TNFRSF1B: variants seen among roughly 807,000 people sequenced by gnomAD.
TNFRSF1B encodes the protein tumor necrosis factor receptor superfamily member 1B.
A neutral mutation model predicts 44.6 loss-of-function variants in TNFRSF1B; 19 were observed. The ratio of observed to expected loss-of-function variants is 0.43; its 90% CI spans 0.30 to 0.62. The LOEUF (loss-of-function observed/expected upper bound fraction) is 0.62. Among genes scored for constraint, TNFRSF1B ranks in the 20% least tolerant of loss-of-function variants. The pLI, the probability that TNFRSF1B is intolerant of heterozygous loss-of-function variation, is 0.16. For synonymous variants in TNFRSF1B, 252 were observed against 261.1 expected (o/e 0.97, Z 0.34); for missense variants, 541 against 619.9 (o/e 0.87, Z 1.35).
intron 1 of TNFRSF1B, among the ~76,000 whole-genome samples, chr1:12,174,014 C>CG (rs1638577913): frequency 6.6e-6 from 1 of 151,822 alleles, no homozygotes; most frequent in Non-Finnish European, 1.5e-5. Context: ...GGGGGGAGTG[C>CG]GGGGGGAGGG....
At chr1:12,203,383 A>C (rs887643150) in intron 9 of TNFRSF1B, among the ~76,000 whole-genome samples, 1 of 152,040 alleles carries the variant, frequency 6.6e-6, no homozygotes, top group African/African-American at 2.4e-5. Context: ...CCCACCACGC[A>C]GCCCTCCTCC....
rs1638516474 is a variant in TNFRSF1B, at chr1:12,171,179, T to C, written c.78+4010T>C. On this transcript the variant is annotated intron_variant, in intron 1 of 9. Coordinates refer to ENST00000376259, the MANE Select transcript of TNFRSF1B (RefSeq NM_001066.3). This position sits in a 1 kb window ranked among gnomAD's most constrained non-coding sequence, Gnocchi z 4.5. Reference sequence around the variant, plus strand: ...CACCATGCCCGGCTAATTTTTCCTTTTTTTTTTTTTTTTTAGTAGAGACCG... The same window carrying C: ...CACCATGCCCGGCTAATTTTTCCTTCTTTTTTTTTTTTTTAGTAGAGACCG... Among the ~76,000 whole-genome samples, 1 of 149,940 alleles carries C rather than the reference T, an allele frequency of 6.7e-6. No homozygotes were observed. Among genetic ancestry groups the C allele is most frequent in the Admixed American group, 6.6e-5 (1 of 15,070 alleles).
intron 1 of TNFRSF1B, chr1:12,167,569 A>G: frequency 6.1e-6 from 2 of 326,252 alleles, no homozygotes; most frequent in East Asian, 1.3e-4. Flanking sequence ...CGCGGTGGAG[A>G]AGGGGCTGTG....
chr1:12,179,097 C>T (rs1375194689), intron 1 of TNFRSF1B, among the ~76,000 whole-genome samples: 1 of 152,078 alleles, frequency 6.6e-6, no homozygotes, highest in Admixed American at 6.5e-5. Flanking sequence ...CCATGCCCGG[C>T]GTCTTTGTAC....
chr1:12,189,994 C>T (rs1169663162), intron 2 of TNFRSF1B, among the ~76,000 whole-genome samples: 2 of 151,924 alleles, frequency 1.3e-5, no homozygotes, highest in African/African-American at 4.8e-5. Context: ...TGAGCGAAGG[C>T]GAGTACGGTA....
chr1:12,200,009 G>C (rs752129112), intron 8 of TNFRSF1B, among the ~76,000 whole-genome samples: 14 of 152,168 alleles, frequency 9.2e-5, no homozygotes, highest in Non-Finnish European at 1.9e-4. Flanking sequence ...TCTTCAGTGT[G>C]CGTGTCTGGA....
In TNFRSF1B at chr1:12,191,763, C is replaced by A; in HGVS notation, c.308-11C>A. 2 of 1,613,110 alleles carry A rather than the reference C, an allele frequency of 1.2e-6. No individual in the cohort carries two copies. The highest frequency in any genetic ancestry group is 1.7e-6 in the Non-Finnish European group (2 of 1,179,700). On this transcript the variant is annotated splice_polypyrimidine_tract_variant and intron_variant, in intron 3 of 9. Transcript: ENST00000376259. ...CAGGCGTGACCGTTTGCCGCCCTCT[C>A]GCTGCTCTAGACCAGGTGGAAACTC...
At chr1:12,167,871 G>A (rs546044065) in intron 1 of TNFRSF1B, among the ~76,000 whole-genome samples, 1 of 152,250 alleles carries the variant, frequency 6.6e-6, no homozygotes, top group South Asian at 2.1e-4. Context: ...TCCGGGGGCC[G>A]CAGGAAAATG....
chr1:12,167,096 C>T lies in TNFRSF1B; in HGVS notation c.5C>T (p.Ala2Val). M[A>V]PVAVWAALAV... ...AACCGGACCCCGCCCGCACCCATGG[C>T]GCCCGTCGCCGTCTGGGCCGCGCTG... is the stretch of plus-strand genomic sequence containing the variant. The change falls in exon 1 of 10, where the codon GCG (alanine) becomes GTG (valine). Residue 2 changes from alanine to valine, a missense_variant. Ala to Val is a moderately conservative substitution (Grantham distance 64). Transcript: ENST00000376259. 2 of 1,331,912 alleles carry T rather than the reference C, an allele frequency of 1.5e-6. No homozygotes were observed. The highest frequency in any genetic ancestry group is 1.9e-6 in the Non-Finnish European group (2 of 1,038,478). 82.5% of individuals were successfully genotyped at this position (1,331,912 alleles called of 1,614,324 possible).
intron 9 of TNFRSF1B, among the ~76,000 whole-genome samples, chr1:12,203,475 C>T (rs1319091303): frequency 1.3e-5 from 2 of 152,172 alleles, no homozygotes; most frequent in East Asian, 3.9e-4. Context: ...CCTGCCACAC[C>T]TGTTCCTACC....
In TNFRSF1B at chr1:12,193,284, G is replaced by A. The variant is rs201340330; in HGVS notation, c.787+186G>A. On this transcript the variant is annotated intron_variant, in intron 6 of 9. Transcript: ENST00000376259. ...TGGTGCTATCATTCAAAATCCCTAA[G>A]TGCGTGGGCTGGATGCAGTGGCTCA... 4 of 707,262 alleles carry A rather than the reference G, an allele frequency of 5.7e-6. No homozygotes were observed. The East Asian group carries it at 1.1e-4, about 19-fold the overall frequency. 43.8% of individuals were successfully genotyped at this position (707,262 alleles called of 1,614,324 possible).
rs571129550 is a variant in TNFRSF1B at position 12,192,488 on chromosome 1, C to A, written c.515C>A (p.Thr172Lys). ...KPCAPGTFSN[T>K]TSSTDICRPH... ...TGTGCCCCGGGGACGTTCTCCAACA[C>A]GACTTCATCCACGGATATTTGCAGG... Residue 172 changes from threonine to lysine, a missense_variant, in exon 5 of 10, where the codon ACG becomes AAG. Thr to Lys is a moderately conservative substitution (Grantham distance 78). Coordinates refer to ENST00000376259, the MANE Select transcript of TNFRSF1B (RefSeq NM_001066.3). The A allele has an allele frequency of 6.2e-7, 1 of 1,613,996 alleles. No homozygotes were observed. The highest frequency in any genetic ancestry group is 1.3e-5 in the African/African-American group (1 of 74,912).
Position 12,207,106 on chromosome 1 carries a change from C to A in TNFRSF1B, c.*86C>A. 1.4e-6 allele frequency: 2 copies of A among 1,410,496 alleles called. No homozygotes were observed. The highest frequency in any genetic ancestry group is 1.9e-6 in the Non-Finnish European group (2 of 1,056,958). 87.4% of individuals were successfully genotyped at this position (1,410,496 alleles called of 1,614,324 possible). On this transcript the variant is annotated 3_prime_UTR_variant, in exon 10 of 10. Coordinates refer to ENST00000376259, the MANE Select transcript of TNFRSF1B (RefSeq NM_001066.3). Reference sequence around the variant, plus strand: ...CGAAGGGGCCCTGGTCCTTCCAGGCCCCCACCACTAGGACTCTGAGGCTCT... The same window carrying A: ...CGAAGGGGCCCTGGTCCTTCCAGGCACCCACCACTAGGACTCTGAGGCTCT...
Position 12,171,017 on chromosome 1 carries a change from T to A in TNFRSF1B, c.78+3848T>A, listed in dbSNP as rs780975377. ...TCTTTTTTTCTATTTAATTTTTTTT[T>A]ATTGAGATAGAGTCTTACTCTGTCA... is the stretch of plus-strand genomic sequence containing the variant. On this transcript the variant is annotated intron_variant, in intron 1 of 9. Transcript: ENST00000376259. This position sits in a 1 kb window ranked among gnomAD's most constrained non-coding sequence, Gnocchi z 4.5. 2.2e-4 allele frequency among the ~76,000 whole-genome samples: 33 copies of A among 151,414 alleles called. No individual in the cohort carries two copies. The highest frequency in any genetic ancestry group is 4.6e-4 in the Non-Finnish European group (31 of 67,852).
At chr1:12,203,985 C>T (rs993595806) in intron 9 of TNFRSF1B, among the ~76,000 whole-genome samples, 1 of 152,244 alleles carries the variant, frequency 6.6e-6, no homozygotes, top group African/African-American at 2.4e-5. Flanking sequence ...CTGCCTCGGC[C>T]TCCCGAAGGG....
intron 4 of TNFRSF1B, 141 bp from the exon 5 acceptor site, chr1:12,192,276 CTGTGTGTGTGTGTG>C (rs4044500): frequency 2.9e-6 from 2 of 687,890 alleles, no homozygotes; most frequent in Admixed American, 2.1e-5. Context: ...GTACAGGCAT[CTGTGTGTGTGTGTG>C]TGTGTGTGTG....
chr1:12,181,318 T>A (rs993738827), intron 1 of TNFRSF1B, among the ~76,000 whole-genome samples: 11 of 152,076 alleles, frequency 7.2e-5, no homozygotes, highest in Non-Finnish European at 4.4e-5. Context: ...GTAACATGGG[T>A]CTATGACCAG....
intron 2 of TNFRSF1B, among the ~76,000 whole-genome samples, chr1:12,190,582 G>A (rs1639091551): frequency 6.6e-6 from 1 of 151,682 alleles, no homozygotes; most frequent in African/African-American, 2.4e-5. Flanking sequence ...TAGGATACCA[G>A]GGACTACATT....
Position 12,177,667 on chromosome 1 carries a change from G to A in TNFRSF1B, c.78+10498G>A, listed in dbSNP as rs1638691772. Among the ~76,000 whole-genome samples, 1 of 152,114 alleles carries A rather than the reference G, an allele frequency of 6.6e-6. No individual in the cohort carries two copies. The highest frequency in any genetic ancestry group is 1.9e-4 in the East Asian group (1 of 5,186). ...CACAGAGAGCCGAGGGCTAAGAGCTGACATTTAGCCTGGCTACTCAGGAGA... is the reference window on the plus strand; with the variant it reads ...CACAGAGAGCCGAGGGCTAAGAGCTAACATTTAGCCTGGCTACTCAGGAGA... On this transcript the variant is annotated intron_variant, in intron 1 of 9. Coordinates refer to ENST00000376259, the MANE Select transcript of TNFRSF1B (RefSeq NM_001066.3). The surrounding 1 kb of genome is among the most constrained non-coding windows in gnomAD (Gnocchi z 4.3).
Sources: allele counts gnomAD v4.1 joint callset (sites outside exome capture counted in the v4.1 genomes callset), GRCh38; gene constraint gnomAD v4.1.1; non-coding constraint Gnocchi (gnomAD v3.1); transcripts MANE v1.5; gene names NCBI Gene and HGNC (gene_info 2026-07-23, HGNC 2026-07-21).